Variants in GRAMD4 observed in about 807,000 individuals in gnomAD.
GRAMD4 encodes the protein GRAM domain-containing protein 4.
A neutral mutation model predicts 83.9 loss-of-function variants in GRAMD4; 25 were observed. The ratio of observed to expected loss-of-function variants is 0.30; its 90% CI spans 0.22 to 0.42. The LOEUF (loss-of-function observed/expected upper bound fraction) is 0.42. GRAMD4 is among the 10% of genes least tolerant of loss of function. The pLI is 1.00. For synonymous variants in GRAMD4, 336 were observed against 320.9 expected, an observed-to-expected ratio of 1.05 and a Z score of -0.50; for missense variants, 593 against 788.7, an observed-to-expected ratio of 0.75 and a Z score of 2.97.
At chr22:46,590,185 G>C (rs191448155) in intron 1 of GRAMD4, among the ~76,000 whole-genome samples, 3 of 152,342 alleles carry the variant, frequency 2.0e-5, no homozygotes, top group African/African-American at 4.8e-5. Context: ...CGCCTGGACA[G>C]CCCTGTGCCC....
intron 1 of GRAMD4, among the ~76,000 whole-genome samples, chr22:46,600,412 C>T (rs6520049): frequency 0.28 from 42,025 of 152,088 alleles, 5,919 homozygotes; most frequent in Middle Eastern, 0.36. Context: ...CTTCTTCTGA[C>T]GTGGTGCTTT....
chr22:46,628,481 ACTGAGTGCGTTGGTGTCTGAGGGGCG>A (rs1569271651), intron 2 of GRAMD4, among the ~76,000 whole-genome samples: 15 of 89,544 alleles, frequency 1.7e-4, no homozygotes, highest in East Asian at 4.9e-4. Context: ...GGGCGGGTGG[ACTGAGTGCGTTGGTGTCTGAGGGGCG>A]GGTGGACTGA....
At chr22:46,654,730 A>G (rs777048827) in intron 3 of GRAMD4, among the ~76,000 whole-genome samples, 2 of 152,044 alleles carry the variant, frequency 1.3e-5, no homozygotes, top group South Asian at 2.1e-4. Flanking sequence ...TCCCCTCCCA[A>G]CCACTCTCCC....
At chr22:46,580,505 A>AGAT (rs1249724375) in intron 1 of GRAMD4, among the ~76,000 whole-genome samples, 74 of 152,302 alleles carry the variant, frequency 4.9e-4, no homozygotes, top group African/African-American at 1.6e-3. Context: ...TCCCAAGGGG[A>AGAT]CAGTTATGTG....
intron 1 of GRAMD4, among the ~76,000 whole-genome samples, chr22:46,577,442 G>T (rs1043579954): frequency 7.0e-6 from 1 of 142,960 alleles, no homozygotes; most frequent in East Asian, 2.1e-4. Context: ...GACCCTCCGA[G>T]CAGGGCCCTG....
chr22:46,582,203 A>G (rs569724649), intron 1 of GRAMD4, among the ~76,000 whole-genome samples: 20 of 152,020 alleles, frequency 1.3e-4, no homozygotes, highest in African/African-American at 4.8e-4. Context: ...CTGCTGGGAA[A>G]CCGTGAAGCT....
intron 3 of GRAMD4, among the ~76,000 whole-genome samples, chr22:46,643,112 C>CATGCATGCATCT (rs2082001377): frequency 6.6e-6 from 1 of 151,398 alleles, no homozygotes; most frequent in Non-Finnish European, 1.5e-5. Flanking sequence ...TCCATCCATC[C>CATGCATGCATCT]ATCCATCCAT....
At chr22:46,611,066 A>G (rs1310173402) in intron 1 of GRAMD4, among the ~76,000 whole-genome samples, 1 of 151,940 alleles carries the variant, frequency 6.6e-6, no homozygotes, top group Admixed American at 6.6e-5. Context: ...AATACAAAGA[A>G]TTAGCCGGGC....
rs953696740 is a variant in GRAMD4 at position 46,622,843 on chromosome 22, C to T, written c.-50+2278C>T. On this transcript the variant is annotated intron_variant, in intron 1 of 18. Coordinates refer to ENST00000406902, the MANE Select transcript of GRAMD4 (RefSeq NM_015124.5). The surrounding 1 kb of genome is among the most constrained non-coding windows in gnomAD (Gnocchi z 4.0). ...AGGAGAATGGCGTGAACCCAGGAGG[C>T]GGATCTTGCAGTGAGCCGAGATCAC... Among the ~76,000 whole-genome samples the T allele has an allele frequency of 1.4e-5, 2 of 147,358 alleles. No homozygotes were observed. Among genetic ancestry groups the T allele is most frequent in the East Asian group, 2.1e-4 (1 of 4,872 alleles).
At chr22:46,605,157 G>A (rs2081353115) in intron 1 of GRAMD4, among the ~76,000 whole-genome samples, 1 of 151,372 alleles carries the variant, frequency 6.6e-6, no homozygotes, top group South Asian at 2.1e-4. Context: ...GTTCACCCAG[G>A]TCTTGGTGCC....
At chr22:46,637,118 C>T (rs907398456) in intron 2 of GRAMD4, among the ~76,000 whole-genome samples, 1 of 152,176 alleles carries the variant, frequency 6.6e-6, no homozygotes, top group African/African-American at 2.4e-5. Flanking sequence ...GCAGCCTCCA[C>T]TGAGGTGTGA....
rs542015766 is a variant in GRAMD4, at chr22:46,646,904, A to G, written c.283+8944A>G. Among the ~76,000 whole-genome samples, 93 of 152,350 alleles carry G rather than the reference A, an allele frequency of 6.1e-4. No homozygotes were observed. The East Asian group carries it at 0.015, about 24-fold the overall frequency. The stretch of plus-strand genomic sequence containing the variant: ...AGGAGCAAGTCACATCTTACCAGAT[A>G]GCAGCAGGCAAAGAGAGAGCTTGTG... On this transcript the variant is annotated intron_variant, in intron 3 of 18. Coordinates refer to ENST00000406902, the MANE Select transcript of GRAMD4 (RefSeq NM_015124.5).
intron 3 of GRAMD4, among the ~76,000 whole-genome samples, chr22:46,657,951 A>T (rs2082268564): frequency 6.6e-6 from 1 of 152,130 alleles, no homozygotes; most frequent in South Asian, 2.1e-4. Flanking sequence ...CTCTTGCCCC[A>T]GTCATGTAAG....
chr22:46,654,479 G>A (rs529888318), intron 3 of GRAMD4, among the ~76,000 whole-genome samples: 72 of 152,340 alleles, frequency 4.7e-4, no homozygotes, highest in African/African-American at 1.1e-3. Context: ...TGACGAAGGT[G>A]TGCCAGAGCC....
intron 3 of GRAMD4, among the ~76,000 whole-genome samples, chr22:46,644,150 C>T (rs1820537977): frequency 6.6e-6 from 1 of 152,248 alleles, no homozygotes; most frequent in South Asian, 2.1e-4. Context: ...CAAGATGGTA[C>T]ACAGAGATAA....
chr22:46,681,219 G>A (rs1001282391), downstream of GRAMD4, among the ~76,000 whole-genome samples: 4 of 151,988 alleles, frequency 2.6e-5, no homozygotes, highest in African/African-American at 4.8e-5. Context: ...CACTGGAGCC[G>A]GGCCATGGAG....
downstream of GRAMD4, among the ~76,000 whole-genome samples, chr22:46,681,759 T>G (rs940848931): frequency 6.6e-6 from 1 of 152,216 alleles, no homozygotes; most frequent in African/African-American, 2.4e-5. Context: ...GCTATATGTT[T>G]TTAAATATTT....
chr22:46,626,922 G>T lies in GRAMD4; in HGVS notation c.123G>T (p.Pro41=), dbSNP rs566223777. Residue 41 remains proline, a synonymous_variant, in exon 2 of 19, where the codon CCG becomes CCT. Coordinates refer to ENST00000406902, the MANE Select transcript of GRAMD4 (RefSeq NM_015124.5). ...ECSDEIPLKV[P]RTSPRDSEEL... ...GCGACGAAATCCCCCTGAAGGTACCGCGGACCTCGCCCCGGGACAGCGAGG... is the reference window on the plus strand; with the variant it reads ...GCGACGAAATCCCCCTGAAGGTACCTCGGACCTCGCCCCGGGACAGCGAGG... 6.8e-6 allele frequency: 11 copies of T among 1,614,098 alleles called. No individual in the cohort carries two copies. The African/African-American group carries it at 1.2e-4, about 18-fold the overall frequency.
intron 1 of GRAMD4, among the ~76,000 whole-genome samples, chr22:46,614,485 G>A (rs1017713200): frequency 3.3e-5 from 5 of 152,214 alleles, no homozygotes; most frequent in African/African-American, 9.6e-5. Flanking sequence ...CCGTGTTGTA[G>A]ACTCACAGGT....
Sources: gnomAD v4.1 joint callset for allele counts (sites outside exome capture counted in the v4.1 genomes callset) on GRCh38, gnomAD v4.1.1 for gene constraint, Gnocchi (gnomAD v3.1) non-coding constraint, MANE v1.5 for transcripts, NCBI Gene and HGNC (gene_info 2026-07-23, HGNC 2026-07-21) for gene names.